The following MDGA2 variants were observed in gnomAD, a reference collection of about 807,000 sequenced individuals.
MDGA2 encodes MAM domain containing glycosylphosphatidylinositol anchor 2.
A neutral mutation model predicts 117.8 loss-of-function variants in MDGA2; 40 were observed. The observed-to-expected ratio is 0.34, with a 90% CI of 0.26 to 0.44. MDGA2 has a LOEUF of 0.44. Among genes scored for constraint, MDGA2 ranks in the 20% least tolerant of loss-of-function variants. MDGA2 has a pLI of 1.00. For missense variants in MDGA2, 1,123 were observed against 1,250.6 expected (o/e 0.90, Z 1.54); for synonymous variants, 452 against 439.0 (o/e 1.03, Z -0.37).
chr14:47,497,684 A>C (rs2138666750), intron 1 of MDGA2, among the ~76,000 whole-genome samples: 1 of 152,318 alleles, frequency 6.6e-6, no homozygotes, highest in Non-Finnish European at 1.5e-5. Flanking sequence ...AGAGGGTTTA[A>C]AAATTGAACA....
intron 6 of MDGA2, among the ~76,000 whole-genome samples, chr14:47,068,894 T>C (rs1199076475): frequency 6.6e-6 from 1 of 152,218 alleles, no homozygotes; most frequent in Non-Finnish European, 1.5e-5. Context: ...TTTTGTTTTC[T>C]GTCTCGTAAG....
intron 2 of MDGA2, among the ~76,000 whole-genome samples, chr14:47,242,582 C>G (rs1887084186): frequency 6.6e-6 from 1 of 151,976 alleles, no homozygotes; most frequent in East Asian, 1.9e-4. Context: ...GGACTTAGCA[C>G]CCGGGCCAGT....
intron 2 of MDGA2, among the ~76,000 whole-genome samples, chr14:47,279,184 T>G (rs79937890): frequency 6.6e-6 from 1 of 152,164 alleles, no homozygotes; most frequent in African/African-American, 2.4e-5. Flanking sequence ...TATTTCCAAA[T>G]TGATTAAAAA....
intron 1 of MDGA2, among the ~76,000 whole-genome samples, chr14:47,509,565 G>A (rs1894594942): frequency 6.6e-6 from 1 of 152,160 alleles, no homozygotes; most frequent in African/African-American, 2.4e-5. Flanking sequence ...AATAGCTGTG[G>A]GACCTAGACA....
intron 2 of MDGA2, among the ~76,000 whole-genome samples, chr14:47,222,946 C>A (rs1886354077): frequency 1.3e-5 from 2 of 152,182 alleles, no homozygotes; most frequent in Admixed American, 1.3e-4. Flanking sequence ...CCTGTAAAGA[C>A]ATACCTGAGA....
At chr14:46,930,682 C>A (rs1175699907) in intron 9 of MDGA2, among the ~76,000 whole-genome samples, 4 of 152,094 alleles carry the variant, frequency 2.6e-5, no homozygotes, top group African/African-American at 9.7e-5. Context: ...CATAAAATCC[C>A]TATCCTTATA....
At chr14:47,589,727 T>C (rs1896400337) in intron 1 of MDGA2, among the ~76,000 whole-genome samples, 2 of 152,106 alleles carry the variant, frequency 1.3e-5, no homozygotes, top group South Asian at 4.1e-4. Context: ...TTGATGTAGA[T>C]TGTATGGAAG....
chr14:47,129,109 T>C (rs556439205), intron 5 of MDGA2, among the ~76,000 whole-genome samples: 108 of 152,172 alleles, frequency 7.1e-4, no homozygotes, highest in Middle Eastern at 3.4e-3. Context: ...TCTTTTATTA[T>C]TATACTTTAA....
intron 1 of MDGA2, among the ~76,000 whole-genome samples, chr14:47,479,748 GA>G (rs148736363): frequency 1.1e-3 from 164 of 145,784 alleles, no homozygotes; most frequent in African/African-American, 3.5e-3. Flanking sequence ...GATGAGTAAG[GA>G]AAAAAAAAAC....
At chr14:47,342,386 A>T (rs1890657389) in intron 1 of MDGA2, among the ~76,000 whole-genome samples, 1 of 151,218 alleles carries the variant, frequency 6.6e-6, no homozygotes, top group Non-Finnish European at 1.5e-5. Flanking sequence ...ATGAACAATA[A>T]TTATTCCCAC....
chr14:47,240,113 C>T (rs754814963), intron 2 of MDGA2, among the ~76,000 whole-genome samples: 10 of 151,638 alleles, frequency 6.6e-5, no homozygotes, highest in Non-Finnish European at 1.2e-4. Context: ...GGCACGATCT[C>T]GGCTCCCTGC....
At chr14:47,163,925 C>A (rs1883751505) in intron 3 of MDGA2, among the ~76,000 whole-genome samples, 1 of 152,192 alleles carries the variant, frequency 6.6e-6, no homozygotes, top group African/African-American at 2.4e-5. Flanking sequence ...ACCCTGGCTG[C>A]AAAAGAGGCA....
intron 2 of MDGA2, among the ~76,000 whole-genome samples, chr14:47,226,185 G>C (rs920406801): frequency 6.6e-6 from 1 of 151,020 alleles, no homozygotes; most frequent in Non-Finnish European, 1.5e-5. Context: ...CACCACTCCA[G>C]CCTGGGCAAC....
intron 6 of MDGA2, among the ~76,000 whole-genome samples, chr14:47,086,186 T>G (rs1890893904): frequency 6.6e-6 from 1 of 151,744 alleles, no homozygotes; most frequent in Non-Finnish European, 1.5e-5. Context: ...TAAGATGGAT[T>G]TGAATTACTG....
At chr14:47,599,744 T>G (rs1307125408) in intron 1 of MDGA2, among the ~76,000 whole-genome samples, 7 of 152,182 alleles carry the variant, frequency 4.6e-5, no homozygotes, top group Non-Finnish European at 1.0e-4. Context: ...ATTCTCAAGG[T>G]TGCTCTGCTG....
At chr14:47,529,727 C>G (rs1895054093) in intron 1 of MDGA2, among the ~76,000 whole-genome samples, 1 of 152,074 alleles carries the variant, frequency 6.6e-6, no homozygotes, top group Non-Finnish European at 1.5e-5. Flanking sequence ...AGAACTATAC[C>G]TGGAGAAGCA....
chr14:47,078,611 G>A (rs1308216711), intron 6 of MDGA2, among the ~76,000 whole-genome samples: 1 of 151,938 alleles, frequency 6.6e-6, no homozygotes, highest in South Asian at 2.1e-4. Flanking sequence ...AAATTATTAA[G>A]AAAAAACTGA....
intron 1 of MDGA2, among the ~76,000 whole-genome samples, chr14:47,664,738 C>T (rs904188727): frequency 1.1e-4 from 17 of 152,160 alleles, no homozygotes; most frequent in South Asian, 2.1e-4. Context: ...TCGTAAAGAA[C>T]GAAATGATTT....
At chr14:47,275,144 G>T (rs1209193845) in intron 2 of MDGA2, among the ~76,000 whole-genome samples, 1 of 152,108 alleles carries the variant, frequency 6.6e-6, no homozygotes, top group Non-Finnish European at 1.5e-5. Context: ...CCTCAGCTTA[G>T]GTTTGAATGA....
Sources: allele counts gnomAD v4.1 joint callset (sites outside exome capture counted in the v4.1 genomes callset), GRCh38; gene constraint gnomAD v4.1.1; transcripts MANE v1.5; gene names NCBI Gene and HGNC (gene_info 2026-07-23, HGNC 2026-07-21).